The following INPP4B variants were observed in gnomAD, a reference collection of about 807,000 sequenced individuals.
INPP4B encodes the protein inositol polyphosphate-4-phosphatase type II B.
Under a neutral mutation model 122.5 loss-of-function variants are expected in INPP4B, and 55 were observed. That is an observed-to-expected ratio of 0.45 (90% confidence interval 0.36 to 0.56). The LOEUF (loss-of-function observed/expected upper bound fraction) is 0.56. Among genes scored for constraint, INPP4B ranks in the 20% least tolerant of loss-of-function variants. The pLI is 0.00. For synonymous variants in INPP4B, 403 were observed against 388.7 expected (o/e 1.04, Z -0.43); for missense variants, 1,000 against 1,097.7 (o/e 0.91, Z 1.26).
intron 1 of INPP4B, among the ~76,000 whole-genome samples, chr4:142,809,406 G>A (rs538686883): frequency 3.9e-5 from 6 of 152,100 alleles, no homozygotes; most frequent in African/African-American, 1.4e-4. Context: ...AAAAAACAAA[G>A]GCCTTCTAAA....
At chr4:142,799,849 T>G (rs1040114928) in intron 1 of INPP4B, among the ~76,000 whole-genome samples, 2 of 152,036 alleles carry the variant, frequency 1.3e-5, no homozygotes, top group Non-Finnish European at 2.9e-5. Flanking sequence ...ATTTATCAAA[T>G]TTTAATGAAC....
intron 2 of INPP4B, among the ~76,000 whole-genome samples, chr4:142,614,916 A>G (rs1743371008): frequency 6.6e-6 from 1 of 152,200 alleles, no homozygotes; most frequent in Non-Finnish European, 1.5e-5. Context: ...GATGCAGAGA[A>G]AAAGGAATGC....
At chr4:142,408,707 G>A (rs1476573246) in intron 5 of INPP4B, among the ~76,000 whole-genome samples, 8 of 152,130 alleles carry the variant, frequency 5.3e-5, no homozygotes, top group African/African-American at 9.7e-5. Flanking sequence ...CTTCTGTTTC[G>A]TTTTGTTTAT....
At chr4:142,168,124 T>C (rs1437761412) in intron 16 of INPP4B, among the ~76,000 whole-genome samples, 1 of 151,602 alleles carries the variant, frequency 6.6e-6, no homozygotes, top group East Asian at 1.9e-4. Context: ...CAATGTTCTA[T>C]CTCTGTTTTT....
chr4:142,427,824 T>A (rs919777168), intron 5 of INPP4B, among the ~76,000 whole-genome samples: 2 of 152,010 alleles, frequency 1.3e-5, no homozygotes, highest in East Asian at 1.9e-4. Context: ...GATGGACAGA[T>A]GAAAGCTCAA....
At chr4:142,223,699 C>A (rs185959710) in intron 12 of INPP4B, among the ~76,000 whole-genome samples, 1 of 152,270 alleles carries the variant, frequency 6.6e-6, no homozygotes, top group African/African-American at 2.4e-5. Flanking sequence ...GTTGGTAGGG[C>A]AAACATACTT....
At chr4:142,273,630 A>G (rs1209793595) in intron 9 of INPP4B, among the ~76,000 whole-genome samples, 4 of 151,804 alleles carry the variant, frequency 2.6e-5, no homozygotes, top group Non-Finnish European at 1.5e-5. Flanking sequence ...TTTTTCAATG[A>G]TTTTCCTTCC....
intron 9 of INPP4B, among the ~76,000 whole-genome samples, chr4:142,283,890 G>A (rs1752327724): frequency 6.6e-6 from 1 of 152,058 alleles, no homozygotes; most frequent in African/African-American, 2.4e-5. Context: ...ACATTTATAG[G>A]TGATAGTGAT....
chr4:142,752,127 T>C (rs1769822611), intron 1 of INPP4B, among the ~76,000 whole-genome samples: 1 of 152,042 alleles, frequency 6.6e-6, no homozygotes, highest in Non-Finnish European at 1.5e-5. Context: ...AAGACCTACT[T>C]AAGGAAGTAG....
chr4:142,623,676 T>C (rs983230979), intron 2 of INPP4B, among the ~76,000 whole-genome samples: 2 of 151,808 alleles, frequency 1.3e-5, no homozygotes, highest in Non-Finnish European at 2.9e-5. Context: ...CATTAACTCA[T>C]CATTTAGCAT....
At chr4:142,108,381 C>T (rs981027027) in intron 22 of INPP4B, among the ~76,000 whole-genome samples, 191 bp from the exon 23 acceptor site, 2 of 76,034 alleles carry the variant, frequency 2.6e-5, no homozygotes, top group African/African-American at 6.2e-5. Flanking sequence ...TTTCACTAAT[C>T]GCTTCTAACA....
chr4:142,492,525 G>A (rs900468304), intron 2 of INPP4B, among the ~76,000 whole-genome samples: 3 of 152,234 alleles, frequency 2.0e-5, no homozygotes, highest in Middle Eastern at 3.4e-3. Context: ...ATAGTGATAT[G>A]GACAAAGAAG....
chr4:142,549,435 A>T (rs1727446932), intron 2 of INPP4B, among the ~76,000 whole-genome samples: 1 of 152,124 alleles, frequency 6.6e-6, no homozygotes, highest in Non-Finnish European at 1.5e-5. Flanking sequence ...CTCCCCAGTC[A>T]AGGAGTCTAA....
At chr4:142,524,695 T>C (rs929662478) in intron 2 of INPP4B, among the ~76,000 whole-genome samples, 1 of 152,162 alleles carries the variant, frequency 6.6e-6, no homozygotes, top group Admixed American at 6.6e-5. Context: ...CAACACTTCA[T>C]GCTAAAAACT....
chr4:142,811,366 G>T (rs1402573007), intron 1 of INPP4B, among the ~76,000 whole-genome samples: 1 of 152,182 alleles, frequency 6.6e-6, no homozygotes, highest in Non-Finnish European at 1.5e-5. Context: ...GCACTGAAGG[G>T]AATTGCTGAC....
chr4:142,029,565 A>G (rs1231434291), intron 25 of INPP4B: 17 of 985,502 alleles, frequency 1.7e-5, no homozygotes, highest in Non-Finnish European at 1.9e-5. Flanking sequence ...AATCAACCCA[A>G]ACAAGAGATA....
chr4:142,654,361 A>T (rs1285639771), intron 2 of INPP4B, among the ~76,000 whole-genome samples: 1 of 119,710 alleles, frequency 8.4e-6, no homozygotes, highest in African/African-American at 3.2e-5. Context: ...CCTAGAACTT[A>T]AAGTATAAAA....
At chr4:142,463,497 C>G (rs1465834338) in intron 2 of INPP4B, among the ~76,000 whole-genome samples, 2 of 152,166 alleles carry the variant, frequency 1.3e-5, no homozygotes, top group Non-Finnish European at 2.9e-5. Context: ...GCACCATGAA[C>G]CTTTCTCTTT....
chr4:142,636,717 A>G (rs1037126303), intron 2 of INPP4B, among the ~76,000 whole-genome samples: 2 of 152,156 alleles, frequency 1.3e-5, no homozygotes, highest in Non-Finnish European at 2.9e-5. Context: ...CCTTAAAATC[A>G]TACAAGCAGA....
Sources: gnomAD v4.1 joint callset for allele counts (sites outside exome capture counted in the v4.1 genomes callset) on GRCh38, gnomAD v4.1.1 for gene constraint, MANE v1.5 for transcripts, NCBI Gene and HGNC (gene_info 2026-07-23, HGNC 2026-07-21) for gene names.